PCDHA3: variants seen among roughly 807,000 people sequenced by gnomAD.
PCDHA3 encodes protocadherin alpha-3.
PCDHA3 carries 41 observed loss-of-function variants against 62.2 expected under a neutral mutation model. The observed-to-expected ratio is 0.66, with a 90% CI of 0.51 to 0.86. PCDHA3 has a LOEUF of 0.86. Among genes scored for constraint, PCDHA3 ranks in the 40% least tolerant of loss-of-function variants. PCDHA3 has a pLI of 0.00. For missense variants in PCDHA3, 1,304 were observed against 1,241.2 expected (o/e 1.05, Z -0.76); for synonymous variants, 640 against 555.4 (o/e 1.15, Z -2.14).
intron 1 of PCDHA3, among the ~76,000 whole-genome samples, chr5:140,939,994 G>A (rs2092519687): frequency 6.6e-6 from 1 of 151,998 alleles, no homozygotes; most frequent in African/African-American, 2.4e-5. Flanking sequence ...TTTCTCCTTG[G>A]ATTTTGTCAA....
intron 1 of PCDHA3, among the ~76,000 whole-genome samples, chr5:140,899,664 G>A (rs1263525075): frequency 2.0e-5 from 3 of 152,126 alleles, no homozygotes; most frequent in African/African-American, 4.8e-5. Context: ...GTCTCTGCCC[G>A]GCTTTGGTAT....
At chr5:140,858,157 C>G in intron 1 of PCDHA3, 1 of 1,597,628 alleles carries the variant, frequency 6.3e-7, no homozygotes, top group Non-Finnish European at 8.6e-7. Flanking sequence ...TCGCCATCTG[C>G]GCGGTGTCCA....
chr5:140,870,932 T>C (rs1428252254), intron 1 of PCDHA3: 1 of 1,613,824 alleles, frequency 6.2e-7, no homozygotes, highest in South Asian at 1.1e-5. Context: ...TCATATGAAT[T>C]GCAGCCGGCG....
chr5:140,986,545 G>T (rs1554248133), intron 3 of PCDHA3, among the ~76,000 whole-genome samples: 1 of 152,172 alleles, frequency 6.6e-6, no homozygotes, highest in East Asian at 1.9e-4. Context: ...GCTTCAGTGG[G>T]CCAGGCTGCT....
chr5:140,996,172 C>G (rs1694773459), intron 3 of PCDHA3, among the ~76,000 whole-genome samples: 1 of 152,210 alleles, frequency 6.6e-6, no homozygotes, highest in African/African-American at 2.4e-5. Flanking sequence ...AATGTGCTGA[C>G]AGCACCTCCA....
intron 1 of PCDHA3, chr5:140,835,445 C>T (rs2150235847): frequency 6.2e-7 from 1 of 1,613,864 alleles, no homozygotes; most frequent in South Asian, 1.1e-5. Flanking sequence ...CTCTCACTTC[C>T]CTGTCTCTCC....
chr5:140,830,676 T>C (rs1348567838), intron 1 of PCDHA3: 2 of 357,974 alleles, frequency 5.6e-6, no homozygotes, highest in African/African-American at 4.3e-5. Flanking sequence ...AAATTAGAAA[T>C]CACTGTCCAC....
chr5:140,854,042 G>A lies in PCDHA3; in HGVS notation c.2394+50451G>A, dbSNP rs1005442587. 1.8e-5 allele frequency: 5 copies of A among 285,684 alleles called. 1 individual carries two copies. The highest frequency in any genetic ancestry group is 2.7e-5 in the Non-Finnish European group (5 of 185,908). The allele number at this position is 285,684 out of a possible 1,614,324, so 17.7% of individuals were successfully genotyped here. A position where few individuals can be genotyped will look rare whatever the true frequency, so the allele number is the denominator to read the frequency against. On this transcript the variant is annotated intron_variant, in intron 1 of 3. Coordinates refer to ENST00000522353, the MANE Select transcript of PCDHA3 (RefSeq NM_018906.3). ...CCGGGCATGGTGGCACACATCTCTA[G>A]TCCCAATTACTCAGGAGGCTGAGGC...
At chr5:140,805,280 G>A (rs2149983701) in intron 1 of PCDHA3, 1 of 1,277,108 alleles carries the variant, frequency 7.8e-7, no homozygotes, top group South Asian at 2.6e-5. Flanking sequence ...TATTACAAAT[G>A]AAATGGGTGA....
intron 1 of PCDHA3, among the ~76,000 whole-genome samples, chr5:140,900,353 C>T (rs1426808430): frequency 6.6e-6 from 1 of 152,092 alleles, no homozygotes; most frequent in Non-Finnish European, 1.5e-5. Flanking sequence ...TCTTGGCTCA[C>T]CGCAACCTCT....
chr5:141,009,303 T>A (rs1040786824), intron 3 of PCDHA3, among the ~76,000 whole-genome samples: 16 of 152,050 alleles, frequency 1.1e-4, no homozygotes, highest in East Asian at 1.9e-4. Flanking sequence ...AAATTTTTTT[T>A]AAAAAGCTAG....
At chr5:140,822,156 C>T (rs1767212129) in intron 1 of PCDHA3, 1 of 1,614,134 alleles carries the variant, frequency 6.2e-7, no homozygotes, top group African/African-American at 1.3e-5. Context: ...ACATCAATGA[C>T]AATCCGCCCA....
chr5:140,928,293 G>GT (rs2085123670), intron 1 of PCDHA3: 1 of 1,614,032 alleles, frequency 6.2e-7, no homozygotes, highest in South Asian at 1.1e-5. Context: ...TAGGCCGAGT[G>GT]TTTGCCCAGG....
At chr5:140,975,520 T>G (rs2153807475) in intron 1 of PCDHA3, among the ~76,000 whole-genome samples, 1 of 152,342 alleles carries the variant, frequency 6.6e-6, no homozygotes, top group East Asian at 1.9e-4. Flanking sequence ...AAATCTGCAG[T>G]GGATATATTC....
intron 1 of PCDHA3, among the ~76,000 whole-genome samples, chr5:140,955,517 C>T (rs1554221970): frequency 6.6e-6 from 1 of 152,154 alleles, no homozygotes; most frequent in African/African-American, 2.4e-5. Flanking sequence ...TGTTTGCTTT[C>T]CCTTCCACCA....
chr5:140,931,188 G>A (rs782167226), intron 1 of PCDHA3, among the ~76,000 whole-genome samples: 1 of 152,126 alleles, frequency 6.6e-6, no homozygotes, highest in South Asian at 2.1e-4. Flanking sequence ...GGAAATTGGT[G>A]CACTACAATG....
At position 140,801,930 on chromosome 5, in the gene PCDHA3, A is replaced by G; in HGVS notation, c.733A>G (p.Thr245Ala). The G allele has an allele frequency of 6.2e-7, 1 of 1,614,234 alleles. No homozygotes were observed. The highest frequency in any genetic ancestry group is 8.5e-7 in the Non-Finnish European group (1 of 1,180,046). Residue 245 changes from threonine (T) to alanine (A), a missense_variant, in exon 1 of 4, where the codon ACG becomes GCG. Coordinates refer to ENST00000522353, the MANE Select transcript of PCDHA3 (RefSeq NM_018906.3). ...VNDNAPAFER[T>A]IYKVRLLENA... ...CGACAACGCCCCAGCGTTTGAGAGG[A>G]CGATCTATAAAGTCAGATTACTCGA... is the stretch of plus-strand genomic sequence containing the variant.
chr5:140,854,302 G>A, intron 1 of PCDHA3: 2 of 384,722 alleles, frequency 5.2e-6, no homozygotes, highest in Non-Finnish European at 7.1e-6. Context: ...TTTTGTGCGT[G>A]GAGATGATTG....
intron 1 of PCDHA3, chr5:140,870,953 C>A: frequency 1.2e-6 from 2 of 1,613,668 alleles, no homozygotes; most frequent in Non-Finnish European, 1.7e-6. Flanking sequence ...GCGGGCGGCT[C>A]GCGCATCCCG....
Sources: allele counts gnomAD v4.1 joint callset (sites outside exome capture counted in the v4.1 genomes callset), GRCh38; gene constraint gnomAD v4.1.1; transcripts MANE v1.5; gene names NCBI Gene and HGNC (gene_info 2026-07-23, HGNC 2026-07-21).